CREB1: variants seen among roughly 807,000 people sequenced by gnomAD.
The protein encoded by CREB1 is cyclic AMP-responsive element-binding protein 1.
A neutral mutation model predicts 42.0 loss-of-function variants in CREB1; 2 were observed. That is an observed-to-expected ratio of 0.05 (90% CI 0.02 to 0.15). The LOEUF (loss-of-function observed/expected upper bound fraction) is 0.15. CREB1 is among the 10% of genes least tolerant of loss of function. CREB1 has a pLI of 1.00. For synonymous variants in CREB1, 123 were observed against 139.9 expected (o/e 0.88, Z 0.85); for missense variants, 199 against 388.9 (o/e 0.51, Z 4.11).
intron 1 of CREB1, among the ~76,000 whole-genome samples, chr2:207,531,635 T>G (rs2080633782): frequency 6.6e-6 from 1 of 152,254 alleles, no homozygotes; most frequent in African/African-American, 2.4e-5. Context: ...CTTTTACATT[T>G]ATGGCTCATT....
intron 3 of CREB1, among the ~76,000 whole-genome samples, chr2:207,566,050 ATTCAT>A (rs1230777040): frequency 1.3e-5 from 2 of 152,170 alleles, no homozygotes; most frequent in African/African-American, 4.8e-5. Flanking sequence ...TCATTTGTGA[ATTCAT>A]TATATGTTGC....
rs548946521 is a variant in CREB1 at position 207,530,796 on chromosome 2, CTT to C, written c.-9+664_-9+665del. On this transcript the variant is annotated intron_variant, in intron 1 of 7. Coordinates refer to ENST00000353267, the MANE Select transcript of CREB1 (RefSeq NM_004379.5). Reference sequence around the variant, plus strand: ...CGTCTGACCTACTCTTCTCTCCACTCTTTGTGCAATAAAGTTCGAAACCCAAG... The same window carrying C: ...CGTCTGACCTACTCTTCTCTCCACTCTGTGCAATAAAGTTCGAAACCCAAG... 7.0e-3 allele frequency among the ~76,000 whole-genome samples: 1,060 copies of C among 152,064 alleles called. 8 individuals are homozygous for C. Among genetic ancestry groups the C allele is most frequent in the African/African-American group, 0.024 (997 of 41,526 alleles).
intron 7 of CREB1, chr2:207,582,768 T>G (rs1048381763): frequency 4.6e-6 from 1 of 215,396 alleles, no homozygotes; most frequent in East Asian, 1.7e-4. Context: ...TGGTGCACGC[T>G]TGTAATCCCA....
chr2:207,558,862 C>T (rs1033204001), intron 2 of CREB1, among the ~76,000 whole-genome samples: 5 of 152,062 alleles, frequency 3.3e-5, no homozygotes, highest in Non-Finnish European at 5.9e-5. Context: ...AGGCTGGTCT[C>T]GAACTCTAGA....
At position 207,597,793 on chromosome 2, in the gene CREB1, C is replaced by T. The variant is rs1044455526; in HGVS notation, c.*735C>T. 9 of 197,566 alleles carry T rather than the reference C, an allele frequency of 4.6e-5. No homozygotes were observed. Among genetic ancestry groups the T allele is most frequent in the South Asian group, 1.9e-4 (1 of 5,196 alleles). The allele number at this position is 197,566 out of a possible 1,614,324, so 12.2% of individuals were successfully genotyped here. ...ACATTAAAAGAAGTAACCAACTGAA[C>T]GACAAAGCATGGTATTTGAATTTTA... On this transcript the variant is annotated 3_prime_UTR_variant, in exon 8 of 8. Transcript: ENST00000353267.
At chr2:207,584,782 ATTGT>A (rs1439779197) in intron 7 of CREB1, among the ~76,000 whole-genome samples, 3 of 152,220 alleles carry the variant, frequency 2.0e-5, no homozygotes, top group East Asian at 1.9e-4. Context: ...AGTCATTTCT[ATTGT>A]TTGTTTTCTT....
chr2:207,539,402 T>G (rs955634032), intron 1 of CREB1, among the ~76,000 whole-genome samples: 3 of 152,058 alleles, frequency 2.0e-5, no homozygotes, highest in Non-Finnish European at 4.4e-5. Context: ...GTAGCTCTAT[T>G]GTTTGCTGTG....
intron 4 of CREB1, chr2:207,568,174 A>G (rs1317468346): frequency 6.6e-6 from 1 of 152,234 alleles, no homozygotes; most frequent in East Asian, 1.9e-4. Flanking sequence ...AAGAAACTTC[A>G]GACTCATAAT....
intron 3 of CREB1, among the ~76,000 whole-genome samples, chr2:207,565,512 C>A (rs2082107317): frequency 6.8e-6 from 1 of 146,794 alleles, no homozygotes; most frequent in East Asian, 2.0e-4. Flanking sequence ...TCATTAAGGG[C>A]CATAGATCCA....
At chr2:207,548,925 T>C (rs985422255) in intron 1 of CREB1, among the ~76,000 whole-genome samples, 25 of 152,368 alleles carry the variant, frequency 1.6e-4, no homozygotes, top group South Asian at 6.2e-4. Flanking sequence ...TTAAATCTTA[T>C]CAAATTCAGA....
intron 5 of CREB1, 46 bp downstream of exon 5, chr2:207,570,367 G>C (rs1369305540): frequency 3.3e-6 from 5 of 1,522,368 alleles, no homozygotes; most frequent in Non-Finnish European, 4.4e-6. Context: ...AGAAAAAAGT[G>C]AGGAGAAAAA....
chr2:207,572,933 G>A (rs1025205085), intron 5 of CREB1, among the ~76,000 whole-genome samples: 2 of 151,984 alleles, frequency 1.3e-5, no homozygotes, highest in African/African-American at 2.4e-5. Flanking sequence ...AATTCATGCT[G>A]TTACTAGATT....
intron 3 of CREB1, among the ~76,000 whole-genome samples, chr2:207,564,903 A>G (rs559808464): frequency 2.0e-5 from 3 of 152,364 alleles, no homozygotes. Context: ...AAGGGGTTCC[A>G]TCATTGGAAT....
intron 3 of CREB1, among the ~76,000 whole-genome samples, chr2:207,566,694 A>G (rs553628583): frequency 6.6e-6 from 1 of 152,274 alleles, no homozygotes; most frequent in East Asian, 1.9e-4. Flanking sequence ...TAGTTCTTCC[A>G]TCTATGGAAT....
intron 1 of CREB1, among the ~76,000 whole-genome samples, chr2:207,540,816 A>G (rs914167648): frequency 6.6e-6 from 1 of 152,068 alleles, no homozygotes; most frequent in African/African-American, 2.4e-5. Context: ...GTTTTAAGCT[A>G]TGTGTTATTA....
In CREB1 at chr2:207,538,313, A is replaced by T. The variant is rs191512205; in HGVS notation, c.-9+8179A>T. On this transcript the variant is annotated intron_variant, in intron 1 of 7. Coordinates refer to ENST00000353267, the MANE Select transcript of CREB1 (RefSeq NM_004379.5). ...GTGATGAATAATTACCTATAATTTA[A>T]TACGTGCATTATACATCTCCAGTGA... 8.9e-3 allele frequency among the ~76,000 whole-genome samples: 1,356 copies of T among 152,306 alleles called. 13 individuals carry two copies. Among genetic ancestry groups the T allele is most frequent in the Non-Finnish European group, 0.015 (1,039 of 68,040 alleles).
chr2:207,569,199 A>G (rs557142219), intron 4 of CREB1, among the ~76,000 whole-genome samples: 23 of 152,236 alleles, frequency 1.5e-4, no homozygotes, highest in African/African-American at 4.6e-4. Context: ...GACCTTGGAT[A>G]TATGGCTCCA....
At chr2:207,576,241 C>CTTTTTTTTTTTTGTTTTTTTTTTTT (rs2082588885) in intron 6 of CREB1, among the ~76,000 whole-genome samples, 1 of 101,068 alleles carries the variant, frequency 9.9e-6, no homozygotes, top group African/African-American at 3.8e-5. Context: ...CTTTTTTTGG[C>CTTTTTTTTTTTTGTTTTTTTTTTTT]TTTTTTTTTT....
At chr2:207,567,739 C>T (rs1234735928) in intron 4 of CREB1, 176 bp downstream of exon 4, 1 of 435,416 alleles carries the variant, frequency 2.3e-6, no homozygotes, top group Non-Finnish European at 4.1e-6. Context: ...ATAAGAAGAG[C>T]ACTTGTTACT....
Sources: gnomAD v4.1 joint callset for allele counts (sites outside exome capture counted in the v4.1 genomes callset) on GRCh38, gnomAD v4.1.1 for gene constraint, MANE v1.5 for transcripts, NCBI Gene and HGNC (gene_info 2026-07-23, HGNC 2026-07-21) for gene names.